Variants in HMOX1 observed in about 807,000 individuals in gnomAD.
The protein encoded by HMOX1 is heme oxygenase 1, also known as heat shock protein, 32-kD.
Under a neutral mutation model 27.8 loss-of-function variants are expected in HMOX1, and 22 were observed. That is an observed-to-expected ratio of 0.79 (90% CI 0.57 to 1.13). The LOEUF is 1.13. Among genes scored for constraint, HMOX1 ranks in the 50% most tolerant of loss-of-function variants. The pLI is 0.00. For synonymous variants in HMOX1, 153 were observed against 151.6 expected (o/e 1.01, Z -0.07); for missense variants, 379 against 377.7 (o/e 1.00, Z -0.03).
intron 4 of HMOX1, chr22:35,390,186 C>A (rs553503148): frequency 5.1e-6 from 3 of 587,236 alleles, no homozygotes; most frequent in South Asian, 1.9e-5. Context: ...TCTGCCTCCC[C>A]ACATGCTGCA....
chr22:35,387,247 AG>A (rs760795941), intron 3 of HMOX1, 71 bp downstream of exon 3: 1 of 1,574,824 alleles, frequency 6.3e-7, no homozygotes, highest in African/African-American at 1.3e-5. Flanking sequence ...TTCTCATTGT[AG>A]GGGAGGGTGC....
chr22:35,390,133 C>T, intron 4 of HMOX1, 170 bp downstream of exon 4: 1 of 666,924 alleles, frequency 1.5e-6, no homozygotes, highest in South Asian at 1.6e-5. Context: ...GCTATATTGC[C>T]CAGGCCAGTC....
chr22:35,381,477 A>G, intron 1 of HMOX1: 1 of 522,592 alleles, frequency 1.9e-6, no homozygotes, highest in Admixed American at 3.4e-5. Context: ...TTTTTTTTTT[A>G]ATCCTACTTT....
intron 1 of HMOX1, 50 bp from the exon 2 acceptor site, chr22:35,383,056 G>A (rs760569038): frequency 5.6e-6 from 9 of 1,608,454 alleles, no homozygotes; most frequent in Non-Finnish European, 7.6e-6. Context: ...AGTTGGGAAG[G>A]ACCCCACCCC....
At chr22:35,393,191 A>C (rs1053759549) in intron 4 of HMOX1, among the ~76,000 whole-genome samples, 1 of 152,236 alleles carries the variant, frequency 6.6e-6, no homozygotes, top group African/African-American at 2.4e-5. Flanking sequence ...GGGAGCAGGC[A>C]GAAGTCTGAA....
intron 2 of HMOX1, among the ~76,000 whole-genome samples, chr22:35,386,100 C>T (rs191574733): frequency 1.8e-4 from 27 of 151,944 alleles, no homozygotes; most frequent in African/African-American, 6.0e-4. Flanking sequence ...GAACTACAGG[C>T]GCCCGCCACC....
chr22:35,381,427 T>C (rs1931386502), intron 1 of HMOX1: 7 of 603,090 alleles, frequency 1.2e-5, no homozygotes, highest in Non-Finnish European at 2.1e-5. Flanking sequence ...GTGACCAAGA[T>C]GGGAGTGTCC....
At chr22:35,391,131 AC>A (rs781277373) in intron 4 of HMOX1, among the ~76,000 whole-genome samples, 19 of 152,020 alleles carry the variant, frequency 1.2e-4, no homozygotes, top group Non-Finnish European at 2.4e-4. Context: ...GGGGTTTGTA[AC>A]CCCGGAGGGC....
In HMOX1 at chr22:35,381,180, C is replaced by G. The variant is rs932354596; in HGVS notation, c.7C>G (p.Arg3Gly). 7 of 1,544,482 alleles carry G rather than the reference C, an allele frequency of 4.5e-6. No individual in the cohort carries two copies. The highest frequency in any genetic ancestry group is 5.2e-6 in the Non-Finnish European group (6 of 1,151,156). Residue 3 changes from arginine to glycine, a missense_variant, in exon 1 of 5, where the codon CGT becomes GGT. Physicochemically the swap from Arg to Gly is moderately radical, Grantham distance 125. Transcript: ENST00000216117. ...CGAGCCCAGCACCGGCCGGATGGAGCGTCCGCAACCCGACAGGCAAGCGCG... is the reference window on the plus strand; with the variant it reads ...CGAGCCCAGCACCGGCCGGATGGAGGGTCCGCAACCCGACAGGCAAGCGCG... ME[R>G]PQPDSMPQDL...
intron 3 of HMOX1, among the ~76,000 whole-genome samples, chr22:35,389,391 C>CCTTCCTTT (rs1375345435): frequency 1.8e-4 from 9 of 49,834 alleles, no homozygotes; most frequent in South Asian, 6.9e-4. Context: ...TTCCTTCCTT[C>CCTTCCTTT]CTTCCTTTCT....
chr22:35,385,849 T>C (rs917915806), intron 2 of HMOX1, among the ~76,000 whole-genome samples: 3 of 152,092 alleles, frequency 2.0e-5, no homozygotes, highest in African/African-American at 7.2e-5. Context: ...GCCAGGCTGG[T>C]CTCGAACTCC....
intron 4 of HMOX1, among the ~76,000 whole-genome samples, chr22:35,392,624 A>G (rs940385375): frequency 2.0e-5 from 3 of 152,034 alleles, no homozygotes; most frequent in Admixed American, 1.3e-4. Flanking sequence ...TCCTGCTTCT[A>G]AAGACCTAGG....
Position 35,387,134 on chromosome 22 carries a change from G to A in HMOX1, c.594G>A (p.Arg198=). 3 of 1,613,588 alleles carry A rather than the reference G, an allele frequency of 1.9e-6. No individual in the cohort carries two copies. The highest frequency in any genetic ancestry group is 2.5e-6 in the Non-Finnish European group (3 of 1,180,044). ...SLEMTPAVRQ[R]VIEEAKTAFL... is the part of the protein sequence containing the mutation. ...AGATGACTCCCGCAGTCAGGCAGAGGGTGATAGAAGAGGCCAAGACTGCGT... is the reference window on the plus strand; with the variant it reads ...AGATGACTCCCGCAGTCAGGCAGAGAGTGATAGAAGAGGCCAAGACTGCGT... The change falls in exon 3 of 5, where the codon AGG becomes AGA. Residue 198 remains arginine (R), a synonymous_variant. Coordinates refer to ENST00000216117, the MANE Select transcript of HMOX1 (RefSeq NM_002133.3).
intron 4 of HMOX1, among the ~76,000 whole-genome samples, chr22:35,391,374 G>A (rs1472150127): frequency 7.3e-5 from 11 of 150,434 alleles, no homozygotes; most frequent in African/African-American, 2.5e-4. Flanking sequence ...TGCAAGCTCC[G>A]CCTCCCAGGT....
In HMOX1 at chr22:35,381,206, G is replaced by A; in HGVS notation, c.23+10G>A. On this transcript the variant is annotated intron_variant, in intron 1 of 4. Coordinates refer to ENST00000216117, the MANE Select transcript of HMOX1 (RefSeq NM_002133.3). ...GTCCGCAACCCGACAGGCAAGCGCG[G>A]GGCGCGGGACGCGGGACGGGCGCCT... 6.5e-7 allele frequency: 1 copy of A among 1,547,256 alleles called. No homozygotes were observed.
chr22:35,388,745 A>G (rs1931571481), intron 3 of HMOX1, among the ~76,000 whole-genome samples: 1 of 151,248 alleles, frequency 6.6e-6, no homozygotes. Flanking sequence ...TGCAGTGAGC[A>G]GAGATCGCGC....
At position 35,383,241 on chromosome 22, in the gene HMOX1, G is replaced by A. The variant is rs1931426418; in HGVS notation, c.144+15G>A. 1 of 1,612,416 alleles carries A rather than the reference G, an allele frequency of 6.2e-7. No homozygotes were observed. On this transcript the variant is annotated intron_variant, in intron 2 of 4. Transcript: ENST00000216117. ...ACGGCTTCAAGGTATGTGGCTTGGT[G>A]GGACTAGCCCTGGTGGAGGGTGTGG...
Position 35,387,055 on chromosome 22 carries a change from T to C in HMOX1, c.515T>C (p.Ile172Thr), listed in dbSNP as rs1256495165. The C allele has an allele frequency of 5.0e-6, 8 of 1,613,624 alleles. No homozygotes were observed. The highest frequency in any genetic ancestry group is 5.1e-6 in the Non-Finnish European group (6 of 1,180,020). Reference protein sequence around the residue: ...EGLAFFTFPNIASATKFKQLY... With the variant: ...EGLAFFTFPNTASATKFKQLY... ...CTGGCCTTCTTCACCTTCCCCAACA[T>C]TGCCAGTGCCACCAAGTTCAAGCAG... Residue 172 changes from isoleucine to threonine, a missense_variant, in exon 3 of 5, where the codon ATT becomes ACT. Transcript: ENST00000216117.
At chr22:35,388,781 A>T (rs1293257600) in intron 3 of HMOX1, among the ~76,000 whole-genome samples, 2 of 147,916 alleles carry the variant, frequency 1.4e-5, no homozygotes, top group African/African-American at 2.5e-5. Context: ...TGGGAGACAG[A>T]GTGAGACTCC....
Sources: gnomAD v4.1 joint callset for allele counts (sites outside exome capture counted in the v4.1 genomes callset) on GRCh38, gnomAD v4.1.1 for gene constraint, MANE v1.5 for transcripts, NCBI Gene and HGNC (gene_info 2026-07-23, HGNC 2026-07-21) for gene names.